The following CHID1 variants were observed in gnomAD, a reference collection of about 807,000 sequenced individuals.
The protein encoded by CHID1 is chitinase domain-containing protein 1.
In CHID1, 44 loss-of-function variants were observed where a neutral mutation model predicts 55.4. The observed-to-expected ratio is 0.79, with a 90% CI of 0.62 to 1.02. The LOEUF (loss-of-function observed/expected upper bound fraction) is 1.02. CHID1 is among the 50% of genes least tolerant of loss of function. CHID1 has a pLI of 0.00. For synonymous variants in CHID1, 216 were observed against 212.9 expected, an observed-to-expected ratio of 1.01 and a Z score of -0.13; for missense variants, 491 against 515.3, an observed-to-expected ratio of 0.95 and a Z score of 0.46.
At chr11:912,306 C>T (rs1203583895), upstream of CHID1, among the ~76,000 whole-genome samples, 1 of 152,050 alleles carries the variant, frequency 6.6e-6, no homozygotes, top group African/African-American at 2.4e-5. Flanking sequence ...TAAAGTAAGA[C>T]TCGGTCTCAA....
intron 8 of CHID1, among the ~76,000 whole-genome samples, chr11:892,006 C>T (rs1472055570): frequency 1.3e-5 from 2 of 151,470 alleles, no homozygotes; most frequent in Non-Finnish European, 2.9e-5. Flanking sequence ...GCCCCAGCTA[C>T]TCAGGAGGCT....
intron 8 of CHID1, among the ~76,000 whole-genome samples, chr11:891,098 G>C (rs1850783482): frequency 6.9e-6 from 1 of 145,582 alleles, no homozygotes; most frequent in Admixed American, 6.9e-5. Flanking sequence ...TGGGATGGGG[G>C]AAGGATAAAC....
chr11:879,280 G>A (rs1849725225), intron 10 of CHID1, among the ~76,000 whole-genome samples: 1 of 152,126 alleles, frequency 6.6e-6, no homozygotes, highest in African/African-American at 2.4e-5. Flanking sequence ...TCACCATGTT[G>A]CCCAGGCTGG....
intron 10 of CHID1, among the ~76,000 whole-genome samples, chr11:880,561 C>A (rs1014854886): frequency 2.6e-5 from 4 of 152,068 alleles, no homozygotes; most frequent in South Asian, 4.1e-4. Context: ...ACGGAGGGCA[C>A]CCCTGGAGGC....
rs1351580721 is a variant in CHID1 at position 893,557 on chromosome 11, A to G, written c.609-38T>C. ...AGAGATGGGGTCAGCAGTGCCTGGC[A>G]CTGAGGCCTCTCCCAGGGTTCTGTG... On this transcript the variant is annotated intron_variant, in intron 7 of 12. Transcript: ENST00000323578. The G allele has an allele frequency of 2.7e-6, 4 of 1,475,088 alleles. No homozygotes were observed. The South Asian group carries it at 5.0e-5, about 18-fold the overall frequency. 91.4% of individuals were successfully genotyped at this position (1,475,088 alleles called of 1,614,324 possible).
At position 883,129 on chromosome 11, in the gene CHID1, G is replaced by A. The variant is rs1337631141; in HGVS notation, c.959+19C>T. 1.9e-6 allele frequency: 3 copies of A among 1,603,180 alleles called. No individual in the cohort carries two copies. The highest frequency in any genetic ancestry group is 1.7e-6 in the Non-Finnish European group (2 of 1,171,312). ...GCCCAGTGACACCTTCAGCACGGCA[G>A]GGAGAGCCCTTGGCTCACCTGGCCC... On this transcript the variant is annotated intron_variant, in intron 10 of 12. Coordinates refer to ENST00000323578, the MANE Select transcript of CHID1 (RefSeq NM_023947.4).
In CHID1 at chr11:902,986, C is replaced by T; in HGVS notation, c.237G>A (p.Gly79=). ...CTGGAGTGACATAGCCCAGTACATC[C>T]CCAGCAAAGTGTCTGTCCCGGGCCT... ...SAKARDRHFA[G]DVLGYVTPWN... Residue 79 remains glycine (G), a synonymous_variant, in exon 3 of 13, where the codon GGG becomes GGA. Transcript: ENST00000323578. The T allele has an allele frequency of 6.2e-7, 1 of 1,614,028 alleles. No homozygotes were observed. Among genetic ancestry groups the T allele is most frequent in the African/African-American group, 1.3e-5 (1 of 75,064 alleles).
rs202056261 is a variant in CHID1 at position 902,245 on chromosome 11, C to T, written c.347G>A (p.Arg116His). ...ISPVWLQLKR[R>H]GREMFEVTGL... Reference sequence around the variant, plus strand: ...CGTGACCTCAAACATCTCACGGCCACGTCTCTTCAGCTGCAGCCAGACGGG... The same window carrying T: ...CGTGACCTCAAACATCTCACGGCCATGTCTCTTCAGCTGCAGCCAGACGGG... The change falls in exon 4 of 13, where the codon CGT (arginine) becomes CAT (histidine). Residue 116 changes from arginine (R) to histidine (H), a missense_variant. Coordinates refer to ENST00000323578, the MANE Select transcript of CHID1 (RefSeq NM_023947.4). 19 of 1,613,980 alleles carry T rather than the reference C, an allele frequency of 1.2e-5. No individual in the cohort carries two copies. The East Asian group carries it at 2.2e-4, about 19-fold the overall frequency.
At chr11:895,453 G>C (rs560896770) in intron 7 of CHID1, among the ~76,000 whole-genome samples, 1 of 152,142 alleles carries the variant, frequency 6.6e-6, no homozygotes, top group Non-Finnish European at 1.5e-5. Flanking sequence ...CGGAGGCGAC[G>C]TGAGCTGCAG....
Position 904,733 on chromosome 11 carries a change from T to G in CHID1, c.84A>C (p.Lys28Asn). The change falls in exon 2 of 13, where the codon AAA becomes AAC. Residue 28 changes from lysine (K) to asparagine (N), a missense_variant. Physicochemically the swap from Lys to Asn is moderately conservative, Grantham distance 94. Transcript: ENST00000323578. Reference protein sequence around the residue: ...HTTLSKSDAKKAASKTLLEKS... With the variant: ...HTTLSKSDAKNAASKTLLEKS... ...TCTCCAGCAGCGTCTTTGAGGCGGC[T>G]TTTTTGGCATCTGACTTTGACAGGG... is the stretch of plus-strand genomic sequence containing the variant. 1 of 1,613,876 alleles carries G rather than the reference T, an allele frequency of 6.2e-7. No individual in the cohort carries two copies. Among genetic ancestry groups the G allele is most frequent in the Non-Finnish European group, 8.5e-7 (1 of 1,179,882 alleles).
chr11:900,161 G>T, intron 5 of CHID1, 51 bp from the exon 6 acceptor site: 1 of 1,451,880 alleles, frequency 6.9e-7, no homozygotes. Context: ...GATGCTGGAG[G>T]GCCCCTGCTG....
At chr11:897,953 T>C (rs992676602) in intron 7 of CHID1, among the ~76,000 whole-genome samples, 1 of 152,136 alleles carries the variant, frequency 6.6e-6, no homozygotes, top group African/African-American at 2.4e-5. Flanking sequence ...TCCAGGGCTC[T>C]TCTGGAGCCG....
intron 8 of CHID1, among the ~76,000 whole-genome samples, chr11:891,056 G>A (rs1472276305): frequency 6.6e-6 from 1 of 152,164 alleles, no homozygotes; most frequent in African/African-American, 2.4e-5. Flanking sequence ...GATTTACGAG[G>A]CTCCTCTGCA....
intron 10 of CHID1, among the ~76,000 whole-genome samples, chr11:882,123 G>T (rs1157395234): frequency 6.6e-6 from 1 of 152,094 alleles, no homozygotes; most frequent in Non-Finnish European, 1.5e-5. Flanking sequence ...TCAGGAGATC[G>T]AGACCATCCT....
intron 8 of CHID1, among the ~76,000 whole-genome samples, chr11:884,514 T>G (rs1326512440): frequency 6.6e-6 from 1 of 151,782 alleles, no homozygotes; most frequent in African/African-American, 2.4e-5. Flanking sequence ...AGAGCTGGGG[T>G]TGCTGAGATG....
Position 869,753 on chromosome 11 carries a change from G to T in CHID1, c.*105C>A. ...CCAGGACCCCCGACTGAGGACTGCA[G>T]CAGACCCGTCACAGCAAACGGAGTG... On this transcript the variant is annotated 3_prime_UTR_variant, in exon 13 of 13. Coordinates refer to ENST00000323578, the MANE Select transcript of CHID1 (RefSeq NM_023947.4). The T allele has an allele frequency of 2.0e-6, 2 of 1,016,604 alleles. No individual in the cohort carries two copies. Among genetic ancestry groups the T allele is most frequent in the Non-Finnish European group, 1.5e-6 (1 of 652,008 alleles). 63.0% of individuals were successfully genotyped at this position (1,016,604 alleles called of 1,614,324 possible).
At chr11:889,493 C>T (rs1850647523) in intron 8 of CHID1, among the ~76,000 whole-genome samples, 1 of 152,192 alleles carries the variant, frequency 6.6e-6, no homozygotes, top group South Asian at 2.1e-4. Flanking sequence ...GCTACCAGAC[C>T]CTGTGGGCTT....
chr11:913,151 G>A (rs56153769), upstream of CHID1, among the ~76,000 whole-genome samples: 1 of 123,782 alleles, frequency 8.1e-6, no homozygotes, highest in Non-Finnish European at 1.7e-5. Flanking sequence ...GCCCCCCCCC[G>A]CAAAAAAAAA....
chr11:883,045 G>A (rs1312010062), intron 10 of CHID1, 103 bp downstream of exon 10: 1 of 1,278,076 alleles, frequency 7.8e-7, no homozygotes. Context: ...TGGGGCAGAA[G>A]CCCCAGGGGA....
Sources: gnomAD v4.1 joint callset for allele counts (sites outside exome capture counted in the v4.1 genomes callset) on GRCh38, gnomAD v4.1.1 for gene constraint, MANE v1.5 for transcripts, NCBI Gene and HGNC (gene_info 2026-07-23, HGNC 2026-07-21) for gene names.